QTMAN: variants seen among roughly 807,000 people sequenced by gnomAD.
The protein encoded by QTMAN is tRNA-queuosine alpha-mannosyltransferase.
the QTMAN span, among the ~76,000 whole-genome samples, chr2:144,083,657 A>G: frequency 2.6e-5 from 4 of 152,240 alleles, no homozygotes; most frequent in African/African-American, 9.6e-5. Flanking sequence ...TACCAACAAT[A>G]TAATAATGAT....
chr2:144,049,850 T>A, the QTMAN span, among the ~76,000 whole-genome samples: 3 of 152,292 alleles, frequency 2.0e-5, no homozygotes, highest in African/African-American at 4.8e-5. Flanking sequence ...TATATTAGTT[T>A]TACTAAGATA....
chr2:144,315,418 G>C, the QTMAN span, among the ~76,000 whole-genome samples: 1,968 of 152,236 alleles, frequency 0.013, 22 homozygotes, highest in Non-Finnish European at 0.019. Context: ...GAACAAATGG[G>C]AACAATCAGC....
the QTMAN span, among the ~76,000 whole-genome samples, chr2:144,276,197 A>C: frequency 2.0e-5 from 3 of 152,028 alleles, no homozygotes; most frequent in Non-Finnish European, 1.5e-5. Context: ...GGAAAATATT[A>C]AAATTCTGGT....
chr2:144,209,027 T>C, the QTMAN span, among the ~76,000 whole-genome samples: 1 of 152,224 alleles, frequency 6.6e-6, no homozygotes, highest in Non-Finnish European at 1.5e-5. Flanking sequence ...TTTTCTGATT[T>C]GTTTTCCTCA....
At chr2:144,318,141 T>A in the QTMAN span, among the ~76,000 whole-genome samples, 1 of 151,790 alleles carries the variant, frequency 6.6e-6, no homozygotes, top group Non-Finnish European at 1.5e-5. Flanking sequence ...GTATTTCTTA[T>A]TAAATTTACC....
the QTMAN span, among the ~76,000 whole-genome samples, chr2:143,991,238 A>G: frequency 6.6e-6 from 1 of 152,246 alleles, no homozygotes; most frequent in African/African-American, 2.4e-5. Flanking sequence ...ATCCAACTTA[A>G]AGATTTAAGA....
At chr2:144,019,892 GA>G in the QTMAN span, among the ~76,000 whole-genome samples, 1 of 152,166 alleles carries the variant, frequency 6.6e-6, no homozygotes, top group African/African-American at 2.4e-5. Context: ...TAGTGAAACT[GA>G]AATGTGGGGA....
the QTMAN span, among the ~76,000 whole-genome samples, chr2:144,130,189 A>T: frequency 2.0e-5 from 3 of 151,884 alleles, no homozygotes; most frequent in East Asian, 5.8e-4. Context: ...TCACTCACAG[A>T]AGCACCTCTA....
chr2:143,942,879 G>C, the QTMAN span: 1 of 156,658 alleles, frequency 6.4e-6, no homozygotes, highest in Non-Finnish European at 1.5e-5. Context: ...GTTAAGGATA[G>C]CCTGATAGCA....
At chr2:144,182,786 T>TATATATATATATATTATATATATA in the QTMAN span, among the ~76,000 whole-genome samples, 4 of 16,450 alleles carry the variant, frequency 2.4e-4, 1 homozygote, top group Non-Finnish European at 5.0e-4. Flanking sequence ...TCAGGTACAT[T>TATATATATATATATTATATATATA]ATATATATAT....
At chr2:144,092,183 T>A in the QTMAN span, among the ~76,000 whole-genome samples, 4 of 151,258 alleles carry the variant, frequency 2.6e-5, no homozygotes, top group Admixed American at 1.3e-4. Context: ...ACATCTTTTT[T>A]TTTTTTTTCT....
the QTMAN span, among the ~76,000 whole-genome samples, chr2:144,012,042 T>A: frequency 2.0e-5 from 3 of 152,076 alleles, no homozygotes; most frequent in Non-Finnish European, 4.4e-5. Context: ...ATTGCCATAA[T>A]CATTTCCAAT....
the QTMAN span, among the ~76,000 whole-genome samples, chr2:143,997,154 C>T: frequency 2.0e-5 from 3 of 151,738 alleles, no homozygotes; most frequent in African/African-American, 7.3e-5. Context: ...CTGTAAATAC[C>T]CCCCTTTCAA....
At chr2:144,114,781 T>G in the QTMAN span, among the ~76,000 whole-genome samples, 94 of 152,334 alleles carry the variant, frequency 6.2e-4, 1 homozygote, top group Admixed American at 1.8e-3. Flanking sequence ...ATAACGGACT[T>G]GTTATTAGAA....
At chr2:144,228,147 C>A in the QTMAN span, among the ~76,000 whole-genome samples, 1 of 152,176 alleles carries the variant, frequency 6.6e-6, no homozygotes, top group Non-Finnish European at 1.5e-5. Context: ...TGTGAACTAA[C>A]TGCCTTCTGA....
the QTMAN span, among the ~76,000 whole-genome samples, chr2:143,971,943 A>G: frequency 6.6e-6 from 1 of 152,184 alleles, no homozygotes; most frequent in African/African-American, 2.4e-5. Context: ...GTATCTTCTA[A>G]TTAACATTTT....
At chr2:144,236,084 T>G in the QTMAN span, among the ~76,000 whole-genome samples, 1 of 151,944 alleles carries the variant, frequency 6.6e-6, no homozygotes, top group Admixed American at 6.6e-5. Context: ...ATTTGTGGGT[T>G]TATGTAAATA....
the QTMAN span, among the ~76,000 whole-genome samples, chr2:144,145,222 G>A: frequency 9.9e-5 from 15 of 151,476 alleles, no homozygotes; most frequent in Non-Finnish European, 1.6e-4. Context: ...TACAGTGATC[G>A]TGATTAATAA....
At chr2:144,211,307 A>C in the QTMAN span, 6 of 152,654 alleles carry the variant, frequency 3.9e-5, no homozygotes, top group African/African-American at 1.2e-4. Flanking sequence ...CAGCTCAGTA[A>C]GAAGAGTGAA....
Sources: gnomAD v4.1 joint callset for allele counts (sites outside exome capture counted in the v4.1 genomes callset) on GRCh38, gnomAD v4.1.1 for gene constraint, MANE v1.5 for transcripts, NCBI Gene and HGNC (gene_info 2026-07-23, HGNC 2026-07-21) for gene names.